Variants in KLHL20 observed in about 807,000 individuals in gnomAD.
KLHL20 encodes the protein kelch-like protein 20.
Under a neutral mutation model 69.5 loss-of-function variants are expected in KLHL20, and 29 were observed. The observed-to-expected ratio is 0.42, with a 90% CI of 0.31 to 0.57. KLHL20 has a LOEUF of 0.57. KLHL20 is among the 20% of genes least tolerant of loss of function. KLHL20 has a pLI of 0.18. For missense variants in KLHL20, 419 were observed against 776.0 expected (o/e 0.54, Z 5.47); for synonymous variants, 253 against 265.2 (o/e 0.95, Z 0.45).
At chr1:173,726,314 C>G (rs918844201) in intron 2 of KLHL20, among the ~76,000 whole-genome samples, 8 of 151,796 alleles carry the variant, frequency 5.3e-5, no homozygotes, top group Non-Finnish European at 1.0e-4. Context: ...GACTCCACCT[C>G]TGGGGGCAGG....
intron 2 of KLHL20, among the ~76,000 whole-genome samples, chr1:173,717,262 G>A (rs1342312478): frequency 2.0e-5 from 3 of 152,202 alleles, no homozygotes; most frequent in Non-Finnish European, 4.4e-5. Flanking sequence ...ATAGCAGAGT[G>A]TGGGAATGTT....
At chr1:173,732,011 C>T (rs189731656) in intron 2 of KLHL20, among the ~76,000 whole-genome samples, 126 of 152,186 alleles carry the variant, frequency 8.3e-4, no homozygotes, top group Admixed American at 2.0e-3. Flanking sequence ...TCCTGGCTAA[C>T]TCGGTGAAAC....
intron 1 of KLHL20, chr1:173,715,351 T>A (rs1671419667): frequency 6.6e-6 from 1 of 152,340 alleles, no homozygotes; most frequent in South Asian, 2.1e-4. Flanking sequence ...CTGGACAGCT[T>A]CCCCAGACAG....
At chr1:173,732,861 T>C (rs1012928948) in intron 2 of KLHL20, among the ~76,000 whole-genome samples, 2 of 152,178 alleles carry the variant, frequency 1.3e-5, no homozygotes, top group Non-Finnish European at 2.9e-5. Flanking sequence ...TTAATATCTC[T>C]AGATATGAAA....
chr1:173,776,659 T>C (rs1382143409), intron 10 of KLHL20, among the ~76,000 whole-genome samples: 1 of 152,202 alleles, frequency 6.6e-6, no homozygotes, highest in Non-Finnish European at 1.5e-5. Flanking sequence ...TTCCCAGCAC[T>C]GTTAATTGAA....
intron 2 of KLHL20, among the ~76,000 whole-genome samples, chr1:173,719,955 T>C (rs1671640066): frequency 6.6e-6 from 1 of 152,132 alleles, no homozygotes; most frequent in Admixed American, 6.5e-5. Context: ...TGAGAACAGA[T>C]ATAATGATAC....
At chr1:173,745,158 C>T (rs1277419980) in intron 3 of KLHL20, among the ~76,000 whole-genome samples, 1 of 145,774 alleles carries the variant, frequency 6.9e-6, no homozygotes, top group Admixed American at 6.9e-5. Context: ...AACTTTTATA[C>T]ATTTCTTTTT....
chr1:173,777,343 A>T (rs761576658), intron 10 of KLHL20, among the ~76,000 whole-genome samples: 2 of 152,186 alleles, frequency 1.3e-5, no homozygotes, highest in Non-Finnish European at 2.9e-5. Context: ...ATACAAAATC[A>T]TACTGTAGGC....
intron 2 of KLHL20, among the ~76,000 whole-genome samples, chr1:173,728,543 C>G (rs1386007183): frequency 6.6e-6 from 1 of 152,214 alleles, no homozygotes; most frequent in Non-Finnish European, 1.5e-5. Flanking sequence ...AACAAACTGT[C>G]TCTCAGACCA....
intron 3 of KLHL20, among the ~76,000 whole-genome samples, chr1:173,739,623 G>C (rs1196014969): frequency 1.4e-5 from 2 of 144,654 alleles, no homozygotes; most frequent in African/African-American, 5.1e-5. Flanking sequence ...TTGTATTTCT[G>C]TGGTATCGGT....
At chr1:173,766,934 C>T (rs1307962640) in intron 8 of KLHL20, among the ~76,000 whole-genome samples, 1 of 152,122 alleles carries the variant, frequency 6.6e-6, no homozygotes, top group Non-Finnish European at 1.5e-5. Flanking sequence ...CACTTAAAAT[C>T]TACTCTCAAG....
At chr1:173,759,588 T>C (rs954349321) in intron 7 of KLHL20, among the ~76,000 whole-genome samples, 2 of 152,056 alleles carry the variant, frequency 1.3e-5, no homozygotes, top group Non-Finnish European at 2.9e-5. Flanking sequence ...CAGAGCTGAG[T>C]AGACTTGCTG....
intron 2 of KLHL20, among the ~76,000 whole-genome samples, chr1:173,729,486 C>T (rs1197870866): frequency 6.6e-6 from 1 of 152,178 alleles, no homozygotes; most frequent in East Asian, 1.9e-4. Flanking sequence ...AAAATACTGG[C>T]AAACCGAATC....
Position 173,757,007 on chromosome 1 carries a change from C to T in KLHL20, c.999C>T (p.Ser333=), listed in dbSNP as rs1359853086. Residue 333 remains serine (S), a synonymous_variant, in exon 7 of 12, where the codon TCC becomes TCT. Transcript: ENST00000209884. ...VGGWCSGDAI[S]SVERYDPQTN... ...GTTGGTGCAGTGGAGATGCCATTTC[C>T]AGTGTTGAACGATATGATCCACAGA... 1 of 1,613,900 alleles carries T rather than the reference C, an allele frequency of 6.2e-7. No homozygotes were observed. The highest frequency in any genetic ancestry group is 1.3e-5 in the African/African-American group (1 of 74,874).
At chr1:173,769,593 G>A (rs1647953531) in intron 8 of KLHL20, among the ~76,000 whole-genome samples, 1 of 151,986 alleles carries the variant, frequency 6.6e-6, no homozygotes, top group Non-Finnish European at 1.5e-5. Flanking sequence ...TTTCAAACCA[G>A]CCTGGGCAAC....
At chr1:173,739,229 C>T (rs771497472) in intron 3 of KLHL20, among the ~76,000 whole-genome samples, 3 of 152,202 alleles carry the variant, frequency 2.0e-5, no homozygotes, top group South Asian at 2.1e-4. Context: ...CCCACCACCA[C>T]GCCCAGCTAA....
At chr1:173,777,531 G>T (rs1279648476) in intron 10 of KLHL20, among the ~76,000 whole-genome samples, 2 of 152,190 alleles carry the variant, frequency 1.3e-5, no homozygotes, top group Non-Finnish European at 2.9e-5. Context: ...CATTCTAAAT[G>T]ATGCTATCTG....
chr1:173,727,962 G>A (rs1035434360), intron 2 of KLHL20, among the ~76,000 whole-genome samples: 13 of 142,042 alleles, frequency 9.2e-5, no homozygotes, highest in African/African-American at 3.2e-4. Flanking sequence ...TGGCAAATTG[G>A]ATAAAGAGTC....
chr1:173,783,318 C>T (rs1323157083), intron 11 of KLHL20, among the ~76,000 whole-genome samples: 1 of 152,092 alleles, frequency 6.6e-6, no homozygotes, highest in Non-Finnish European at 1.5e-5. Flanking sequence ...TTCTTATGAC[C>T]ATGAAGGATA....
Sources: allele counts gnomAD v4.1 joint callset (sites outside exome capture counted in the v4.1 genomes callset), GRCh38; gene constraint gnomAD v4.1.1; transcripts MANE v1.5; gene names NCBI Gene and HGNC (gene_info 2026-07-23, HGNC 2026-07-21).